The following SPTBN2 variants were observed in gnomAD, a reference collection of about 807,000 sequenced individuals.
SPTBN2 encodes spectrin beta, non-erythrocytic 2, also known as spectrin beta chain, non-erythrocytic 2.
Under a neutral mutation model 284.2 loss-of-function variants are expected in SPTBN2, and 107 were observed. The observed-to-expected ratio is 0.38, with a 90% CI of 0.32 to 0.44. The LOEUF is 0.44. Among genes scored for constraint, SPTBN2 ranks in the 20% least tolerant of loss-of-function variants. SPTBN2 has a pLI of 1.00. For synonymous variants in SPTBN2, 1,289 were observed against 1,354.8 expected (o/e 0.95, Z 1.07); for missense variants, 2,569 against 3,287.1 (o/e 0.78, Z 5.34).
intron 21 of SPTBN2, among the ~76,000 whole-genome samples, chr11:66,695,532 T>C (rs1281680676): frequency 2.0e-5 from 3 of 152,112 alleles, no homozygotes; most frequent in African/African-American, 7.2e-5. Context: ...AGTGTTGGGA[T>C]TACATGTGTG....
intron 1 of SPTBN2, among the ~76,000 whole-genome samples, chr11:66,740,655 T>C (rs1286389906): frequency 1.3e-5 from 2 of 152,140 alleles, no homozygotes; most frequent in Non-Finnish European, 2.9e-5. Flanking sequence ...TGGGAACTGG[T>C]ATGGGACAGA....
chr11:66,689,975 G>T (rs1354596401), intron 28 of SPTBN2, 32 bp from the exon 29 acceptor site: 24 of 1,613,284 alleles, frequency 1.5e-5, no homozygotes, highest in Non-Finnish European at 1.9e-5. Context: ...ATCACCTGCT[G>T]CCCACAGCCC....
chr11:66,704,543 G>GCCCC, intron 15 of SPTBN2, 55 bp downstream of exon 15: 2 of 1,550,572 alleles, frequency 1.3e-6, no homozygotes, highest in Non-Finnish European at 1.8e-6. Flanking sequence ...CCACATCCTG[G>GCCCC]CCCCCCCACC....
intron 21 of SPTBN2, among the ~76,000 whole-genome samples, chr11:66,695,238 T>C (rs1940837781): frequency 6.6e-6 from 1 of 152,222 alleles, no homozygotes; most frequent in African/African-American, 2.4e-5. Context: ...AAAGTTTTTA[T>C]TGGACCACAG....
At chr11:66,739,242 A>G (rs762570525) in intron 1 of SPTBN2, among the ~76,000 whole-genome samples, 1 of 152,218 alleles carries the variant, frequency 6.6e-6, no homozygotes, top group Non-Finnish European at 1.5e-5. Flanking sequence ...TGCACAGCCA[A>G]GTCAACTTTT....
In SPTBN2 at chr11:66,715,295, C is replaced by T; in HGVS notation, c.410G>A (p.Gly137Asp). 6.2e-7 allele frequency: 1 copy of T among 1,614,218 alleles called. No homozygotes were observed. Among genetic ancestry groups the T allele is most frequent in the Non-Finnish European group, 8.5e-7 (1 of 1,180,036 alleles). The change falls in exon 5 of 38, where the codon GGC (glycine) becomes GAC (aspartate). Residue 137 changes from glycine to aspartate, a missense_variant. Coordinates refer to ENST00000533211, the MANE Select transcript of SPTBN2 (RefSeq NM_006946.4). The surrounding 1 kb of genome is among the most constrained non-coding windows in gnomAD (Gnocchi z 5.3). ...KEQKVHLENM[G>D]SHDIVDGNHR... ...GTTTCCGTCCACAATGTCATGGGAG[C>T]CCATGTTTTCCAAGTGCACTTTCTG...
rs1434820533 is a variant in SPTBN2, at chr11:66,700,411, C to A, written c.3573+115G>T. 1.4e-6 allele frequency: 2 copies of A among 1,450,100 alleles called. No individual in the cohort carries two copies. Among genetic ancestry groups the A allele is most frequent in the Non-Finnish European group, 1.9e-6 (2 of 1,055,872 alleles). 89.8% of individuals were successfully genotyped at this position (1,450,100 alleles called of 1,614,324 possible). A position where few individuals can be genotyped will look rare whatever the true frequency, so the allele number is the denominator to read the frequency against. On this transcript the variant is annotated intron_variant, in intron 17 of 37. Coordinates refer to ENST00000533211, the MANE Select transcript of SPTBN2 (RefSeq NM_006946.4). The surrounding 1 kb of genome is among the most constrained non-coding windows in gnomAD (Gnocchi z 6.6). ...AAGTGCTGGAATTTCAGGTGTGAAC[C>A]ACTGCGCTGCCCCATTTTGCTAGCA...
intron 15 of SPTBN2, among the ~76,000 whole-genome samples, chr11:66,704,100 G>A (rs1339190457): frequency 6.6e-6 from 1 of 151,232 alleles, no homozygotes; most frequent in African/African-American, 2.4e-5. Context: ...AGCCTCCCGA[G>A]TAGCTGGGAC....
chr11:66,727,764 C>T (rs565417311), intron 1 of SPTBN2, among the ~76,000 whole-genome samples: 1 of 151,772 alleles, frequency 6.6e-6, no homozygotes, highest in African/African-American at 2.4e-5. Context: ...TCCCGCAGTC[C>T]GCCGGGCAGA....
rs766376475 is a variant in SPTBN2, at chr11:66,687,171, C to T, written c.6723-4G>A. ...ACAGTACACGTTCTGCCAGGACCTG[C>T]GAGGGACGCGGTGCTGACTGGCCGG... On this transcript the variant is annotated splice_polypyrimidine_tract_variant and splice_region_variant and intron_variant, in intron 35 of 37. Coordinates refer to ENST00000533211, the MANE Select transcript of SPTBN2 (RefSeq NM_006946.4). This position sits in a 1 kb window ranked among gnomAD's most constrained non-coding sequence, Gnocchi z 5.2. The T allele has an allele frequency of 7.4e-6, 12 of 1,613,600 alleles. No individual in the cohort carries two copies. The highest frequency in any genetic ancestry group is 6.7e-5 in the African/African-American group (5 of 74,948).
In SPTBN2 at chr11:66,690,270, T is replaced by C. The variant is rs1940452665; in HGVS notation, c.5579A>G (p.Gln1860Arg). Reference protein sequence around the residue: ...QALSPQVQQVQDDGHRLQKAY... With the variant: ...QALSPQVQQVRDDGHRLQKAY... Reference sequence around the variant, plus strand: ...CTTCTGGAGCCGGTGGCCGTCGTCCTGCACCTGCTGGACCTGCGGAGCCCC... The same window carrying C: ...CTTCTGGAGCCGGTGGCCGTCGTCCCGCACCTGCTGGACCTGCGGAGCCCC... Residue 1860 changes from glutamine (Q) to arginine (R), a missense_variant, in exon 28 of 38, where the codon CAG (glutamine) becomes CGG (arginine). Physicochemically the swap from Gln to Arg is conservative, Grantham distance 43. Coordinates refer to ENST00000533211, the MANE Select transcript of SPTBN2 (RefSeq NM_006946.4). The C allele has an allele frequency of 1.2e-6, 2 of 1,609,178 alleles. No homozygotes were observed. The highest frequency in any genetic ancestry group is 8.5e-7 in the Non-Finnish European group (1 of 1,178,186).
Position 66,701,201 on chromosome 11 carries a change from C to G in SPTBN2, c.2898G>C (p.Glu966Asp). 1 of 1,613,210 alleles carries G rather than the reference C, an allele frequency of 6.2e-7. No individual in the cohort carries two copies. Among genetic ancestry groups the G allele is most frequent in the Non-Finnish European group, 8.5e-7 (1 of 1,180,042 alleles). The change falls in exon 17 of 38, where the codon GAG (glutamate) becomes GAC (aspartate). Residue 966 changes from glutamate to aspartate, a missense_variant. Coordinates refer to ENST00000533211, the MANE Select transcript of SPTBN2 (RefSeq NM_006946.4). Reference protein sequence around the residue: ...SALSIQNYHLECTETQAWMRE... With the variant: ...SALSIQNYHLDCTETQAWMRE... The stretch of plus-strand genomic sequence containing the variant: ...TCATCCAGGCCTGGGTCTCCGTGCA[C>G]TCTAAGTGGTAGTTCTGGATGCTCA...
At chr11:66,698,394 C>T (rs1024938066) in intron 20 of SPTBN2, among the ~76,000 whole-genome samples, 2 of 152,340 alleles carry the variant, frequency 1.3e-5, no homozygotes, top group Admixed American at 6.5e-5. Context: ...ACAGTTATGG[C>T]GTTAAATCCA....
rs2135309500 is a variant in SPTBN2 at position 66,688,229 on chromosome 11, G to A, written c.6314C>T (p.Ala2105Val). 1 of 1,613,696 alleles carries A rather than the reference G, an allele frequency of 6.2e-7. No individual in the cohort carries two copies. Reference protein sequence around the residue: ...RKQPPAPEPTASVPPGDLVGG... With the variant: ...RKQPPAPEPTVSVPPGDLVGG... ...CACCAGGTCCCCTGGAGGCACACTGGCTGTGGGTTCGGGAGCAGGCGGCTG... is the reference window on the plus strand; with the variant it reads ...CACCAGGTCCCCTGGAGGCACACTGACTGTGGGTTCGGGAGCAGGCGGCTG... The change falls in exon 32 of 38, where the codon GCC becomes GTC. Residue 2105 changes from alanine to valine, a missense_variant. By Grantham distance (64) the Ala-to-Val change is moderately conservative. Around this residue, in one of 6 missense-constraint regions of SPTBN2, gnomAD observed 1,130 missense variants for 1,317.3 expected, o/e 0.86. Transcript: ENST00000533211.
At chr11:66,725,555 G>GAAGC (rs1942586837) in intron 1 of SPTBN2, among the ~76,000 whole-genome samples, 2 of 150,750 alleles carry the variant, frequency 1.3e-5, no homozygotes, top group South Asian at 4.1e-4. Context: ...CTGTCATGAG[G>GAAGC]AAGCTGGAGA....
At position 66,685,791 on chromosome 11, in the gene SPTBN2, A is replaced by G. The variant is rs1940065189; in HGVS notation, c.*80T>C. On this transcript the variant is annotated 3_prime_UTR_variant, in exon 38 of 38. Transcript: ENST00000533211. This position sits in a 1 kb window ranked among gnomAD's most constrained non-coding sequence, Gnocchi z 4.4. ...ACCCTAGCAGCAGGCAGTTGTCCTGACAAGAGGGCGGTCCCTGTCGACTGT... is the reference window on the plus strand; with the variant it reads ...ACCCTAGCAGCAGGCAGTTGTCCTGGCAAGAGGGCGGTCCCTGTCGACTGT... 7.2e-7 allele frequency: 1 copy of G among 1,391,768 alleles called. No individual in the cohort carries two copies. The highest frequency in any genetic ancestry group is 1.0e-6 in the Non-Finnish European group (1 of 983,266). The allele number at this position is 1,391,768 out of a possible 1,614,324, so 86.2% of individuals were successfully genotyped here.
In SPTBN2 at chr11:66,700,608, C is replaced by T. The variant is rs1055086580; in HGVS notation, c.3491G>A (p.Arg1164Gln). Residue 1164 changes from arginine to glutamine, a missense_variant, in exon 17 of 38, where the codon CGG becomes CAG. Around this residue, in one of 6 missense-constraint regions of SPTBN2, gnomAD observed 1,012 missense variants for 1,248.9 expected, o/e 0.81. Coordinates refer to ENST00000533211, the MANE Select transcript of SPTBN2 (RefSeq NM_006946.4). This position sits in a 1 kb window ranked among gnomAD's most constrained non-coding sequence, Gnocchi z 6.6. ...WEELGRMWES[R>Q]QGRLAQAHGF... ...GTGGGCCTGGGCCAGGCGACCTTGCCGGCTCTCCCACATTCGGCCCAGCTC... is the reference window on the plus strand; with the variant it reads ...GTGGGCCTGGGCCAGGCGACCTTGCTGGCTCTCCCACATTCGGCCCAGCTC... 4 of 1,608,110 alleles carry T rather than the reference C, an allele frequency of 2.5e-6. No individual in the cohort carries two copies. The highest frequency in any genetic ancestry group is 3.4e-6 in the Non-Finnish European group (4 of 1,179,994).
rs879001354 is a variant in SPTBN2, at chr11:66,688,531, C to T, written c.6231+122G>A. The T allele has an allele frequency of 3.4e-6, 5 of 1,470,892 alleles. No homozygotes were observed. The South Asian group carries it at 6.0e-5, about 18-fold the overall frequency. The allele number at this position is 1,470,892 out of a possible 1,614,324, so 91.1% of individuals were successfully genotyped here. On this transcript the variant is annotated intron_variant, in intron 31 of 37. Transcript: ENST00000533211. ...AAAGGTGTGGTGACAATGGCACTCT[C>T]AGCTCACATCTGGGGGCCACTGGTG...
Position 66,691,330 on chromosome 11 carries a change from C to T in SPTBN2, c.5519G>A (p.Arg1840His), listed in dbSNP as rs747267955. 5 of 1,554,928 alleles carry T rather than the reference C, an allele frequency of 3.2e-6. No homozygotes were observed. The highest frequency in any genetic ancestry group is 2.3e-5 in the East Asian group (1 of 44,196). ...RDLNAAEALQ[R>H]RHCAYEHDIQ... ...GTCATGCTCGTAGGCACAGTGTCGG[C>T]GCTGCAGGGCCTCGGCAGCGTTGAG... The change falls in exon 27 of 38, where the codon CGC becomes CAC. Residue 1840 changes from arginine to histidine, a missense_variant. Physicochemically the swap from Arg to His is conservative, Grantham distance 29. Coordinates refer to ENST00000533211, the MANE Select transcript of SPTBN2 (RefSeq NM_006946.4). This position sits in a 1 kb window ranked among gnomAD's most constrained non-coding sequence, Gnocchi z 8.0.
Sources: allele counts gnomAD v4.1 joint callset (sites outside exome capture counted in the v4.1 genomes callset), GRCh38; gene constraint gnomAD v4.1.1; regional missense constraint gnomAD v4.1.1; non-coding constraint Gnocchi (gnomAD v3.1); transcripts MANE v1.5; gene names NCBI Gene and HGNC (gene_info 2026-07-23, HGNC 2026-07-21).